The following SAMMSON variants were observed in gnomAD, a reference collection of about 807,000 sequenced individuals.
SAMMSON encodes long intergenic non-protein coding RNA 1212.
rs577185977 is a variant in SAMMSON, at chr3:70,219,360, C to T, written n.508-29747C>T. Among the ~76,000 whole-genome samples the T allele has an allele frequency of 5.8e-4, 89 of 152,236 alleles. 3 individuals carry two copies. In the South Asian group the frequency reaches 0.018, roughly 31 times the overall value. On this transcript the variant is annotated intron_variant and non_coding_transcript_variant, in intron 4 of 9. Transcript: ENST00000642114. ...TTCTGCATGCTCCCGATTCACAAAC[C>T]ATATTTTGTGTCAACAAGAAAATTA...
chr3:70,073,386 A>C (rs2067237219), intron 4 of SAMMSON, among the ~76,000 whole-genome samples: 1 of 152,064 alleles, frequency 6.6e-6, no homozygotes, highest in Non-Finnish European at 1.5e-5. Context: ...TGGAATGCCC[A>C]CTATGTGCTG....
At position 70,032,034 on chromosome 3, in the gene SAMMSON, A is replaced by T. The variant is rs561438144; in HGVS notation, n.417+18362A>T. On this transcript the variant is annotated intron_variant and non_coding_transcript_variant, in intron 3 of 9. Transcript: ENST00000642114. ...ACATTTTTCCCTAACCATAAGTTTTATAAAATGGAAAAATAATGCAAACTG... is the reference window on the plus strand; with the variant it reads ...ACATTTTTCCCTAACCATAAGTTTTTTAAAATGGAAAAATAATGCAAACTG... 3.6e-4 allele frequency among the ~76,000 whole-genome samples: 55 copies of T among 152,328 alleles called. 1 individual carries two copies. The highest frequency in any genetic ancestry group is 1.3e-3 in the African/African-American group (53 of 41,580).
At chr3:70,426,915 T>G (rs1375222897) in intron 2 of SAMMSON, among the ~76,000 whole-genome samples, 1 of 152,250 alleles carries the variant, frequency 6.6e-6, no homozygotes, top group African/African-American at 2.4e-5. Flanking sequence ...TGGATCACTT[T>G]CACATTTAAC....
At chr3:70,243,860 G>A (rs1280807750) in intron 4 of SAMMSON, among the ~76,000 whole-genome samples, 1 of 152,178 alleles carries the variant, frequency 6.6e-6, no homozygotes, top group Non-Finnish European at 1.5e-5. Context: ...ATATGTGGAG[G>A]AATTGTATCA....
chr3:70,350,544 ATAAT>A (rs1702786790), intron 7 of SAMMSON, among the ~76,000 whole-genome samples: 1 of 152,110 alleles, frequency 6.6e-6, no homozygotes, highest in Non-Finnish European at 1.5e-5. Flanking sequence ...AATTCCATAT[ATAAT>A]ATTTTTCATT....
chr3:70,413,633 A>T (rs1200789556), intron 2 of SAMMSON, among the ~76,000 whole-genome samples: 1 of 152,194 alleles, frequency 6.6e-6, no homozygotes, highest in African/African-American at 2.4e-5. Flanking sequence ...TTGCTGAGAC[A>T]AAAGAGACCC....
chr3:70,383,069 C>T (rs1201239249), intron 9 of SAMMSON, among the ~76,000 whole-genome samples: 1 of 152,092 alleles, frequency 6.6e-6, no homozygotes. Context: ...TCATAGGTAA[C>T]TTCCCTTCAT....
intron 4 of SAMMSON, chr3:70,204,504 A>C (rs905642476): frequency 2.6e-5 from 4 of 152,022 alleles, no homozygotes; most frequent in Non-Finnish European, 4.4e-5. Flanking sequence ...CTCTTACTTC[A>C]CCGGGGAGAT....
chr3:70,006,812 A>C, intron 1 of SAMMSON, among the ~76,000 whole-genome samples: 1 of 86,344 alleles, frequency 1.2e-5, no homozygotes, highest in African/African-American at 4.8e-5. Flanking sequence ...CCCACCCCAC[A>C]ACAGGCCCCG....
At chr3:70,193,764 T>C (rs1701149655) in intron 4 of SAMMSON, among the ~76,000 whole-genome samples, 1 of 152,336 alleles carries the variant, frequency 6.6e-6, no homozygotes, top group Non-Finnish European at 1.5e-5. Flanking sequence ...TACTTAAGTT[T>C]ACATATTAAT....
At chr3:70,069,443 T>C (rs1303037444) in intron 3 of SAMMSON, 1 of 152,140 alleles carries the variant, frequency 6.6e-6, no homozygotes, top group East Asian at 1.9e-4. Context: ...ATATTTGTAA[T>C]GTGAAAAGAG....
rs1019892030 is a variant in SAMMSON at position 70,231,277 on chromosome 3, C to T, written n.508-17830C>T. 6.6e-5 allele frequency among the ~76,000 whole-genome samples: 10 copies of T among 152,256 alleles called. 1 individual carries two copies. In the South Asian group the frequency reaches 1.9e-3, roughly 28 times the overall value. On this transcript the variant is annotated intron_variant and non_coding_transcript_variant, in intron 4 of 9. Transcript: ENST00000642114. ...TCCTTTAACACTGGCGGCACACGTT[C>T]GCTTAAGACGACGCTCCTGCCCCTG... is the stretch of plus-strand genomic sequence containing the variant.
chr3:70,224,984 G>A (rs977584227), intron 4 of SAMMSON, among the ~76,000 whole-genome samples: 51 of 152,256 alleles, frequency 3.3e-4, no homozygotes, highest in African/African-American at 1.1e-3. Flanking sequence ...ATTTTGGATA[G>A]GTGACATGAC....
At chr3:70,412,096 G>C (rs1701224278) in intron 2 of SAMMSON, among the ~76,000 whole-genome samples, 1 of 152,082 alleles carries the variant, frequency 6.6e-6, no homozygotes, top group South Asian at 2.1e-4. Flanking sequence ...TGTTAATGAG[G>C]GGAAGCTTTT....
chr3:70,037,090 G>C (rs1190896540), intron 3 of SAMMSON, among the ~76,000 whole-genome samples: 1 of 151,892 alleles, frequency 6.6e-6, no homozygotes, highest in African/African-American at 2.4e-5. Context: ...TCAATGCCTG[G>C]AACATAAGGT....
At chr3:70,227,511 G>C (rs1267552300) in intron 4 of SAMMSON, among the ~76,000 whole-genome samples, 1 of 152,202 alleles carries the variant, frequency 6.6e-6, no homozygotes. Flanking sequence ...AATTTCGATA[G>C]AGGGACAAGG....
At position 70,232,820 on chromosome 3, in the gene SAMMSON, AG is replaced by A. The variant is rs1559541003; in HGVS notation, n.508-16284del. Reference sequence around the variant, plus strand: ...TTGGAGATTTTCTGTTTGTCTTCCCAGGGTGATTCTCTCCTTTGTACAGAAA... The same window carrying A: ...TTGGAGATTTTCTGTTTGTCTTCCCAGGTGATTCTCTCCTTTGTACAGAAA... On this transcript the variant is annotated intron_variant and non_coding_transcript_variant, in intron 4 of 9. Transcript: ENST00000642114. Among the ~76,000 whole-genome samples, 8 of 152,286 alleles carry A rather than the reference AG, an allele frequency of 5.3e-5. No individual in the cohort carries two copies. In the South Asian group the frequency reaches 1.7e-3, roughly 32 times the overall value.
At chr3:70,099,682 T>G (rs578166821) in intron 4 of SAMMSON, among the ~76,000 whole-genome samples, 18 of 152,356 alleles carry the variant, frequency 1.2e-4, no homozygotes, top group Admixed American at 3.3e-4. Context: ...CCTTGATTAC[T>G]CCTGCAGTCT....
At chr3:70,312,463 C>A (rs1165894266) in intron 7 of SAMMSON, 1 of 152,210 alleles carries the variant, frequency 6.6e-6, no homozygotes, top group East Asian at 1.9e-4. Context: ...GTTGACGAGA[C>A]CTATTACGAA....
Sources: allele counts gnomAD v4.1 joint callset (sites outside exome capture counted in the v4.1 genomes callset), GRCh38; gene constraint gnomAD v4.1.1; transcripts MANE v1.5; gene names NCBI Gene and HGNC (gene_info 2026-07-23, HGNC 2026-07-21).